OTULIN: variants seen among roughly 807,000 people sequenced by gnomAD.
OTULIN encodes the protein OTU deubiquitinase with linear linkage specificity, also known as ubiquitin thioesterase otulin.
Under a neutral mutation model 39.6 loss-of-function variants are expected in OTULIN, and 15 were observed. The ratio of observed to expected loss-of-function variants is 0.38; its 90% confidence interval spans 0.25 to 0.58. The LOEUF is 0.58. Among genes scored for constraint, OTULIN ranks in the 20% least tolerant of loss-of-function variants. The pLI, the probability that OTULIN is intolerant of heterozygous loss-of-function variation, is 0.66. For missense variants in OTULIN, 319 were observed against 445.9 expected (o/e 0.72, Z 2.56); for synonymous variants, 156 against 170.3 (o/e 0.92, Z 0.65).
chr5:14,683,277 C>G (rs1657906429), intron 4 of OTULIN, among the ~76,000 whole-genome samples: 1 of 151,984 alleles, frequency 6.6e-6, no homozygotes, highest in South Asian at 2.1e-4. Context: ...AAACCAAAAC[C>G]AACATCTGGG....
chr5:14,669,261 C>T (rs932690386), intron 1 of OTULIN, among the ~76,000 whole-genome samples: 5 of 151,936 alleles, frequency 3.3e-5, no homozygotes, highest in Non-Finnish European at 5.9e-5. Flanking sequence ...GTTACTCAGG[C>T]GTCTGAGGCA....
In OTULIN at chr5:14,664,841, A is replaced by G. The variant is rs900683731; in HGVS notation, c.16A>G (p.Met6Val). 1.2e-5 allele frequency: 14 copies of G among 1,216,468 alleles called. No individual in the cohort carries two copies. The highest frequency in any genetic ancestry group is 3.2e-4 in the Middle Eastern group (1 of 3,144). The allele number at this position is 1,216,468 out of a possible 1,614,324, so 75.4% of individuals were successfully genotyped here. Residue 6 changes from methionine to valine, a missense_variant, in exon 1 of 7, where the codon ATG becomes GTG. Physicochemically the swap from Met to Val is conservative, Grantham distance 21. Coordinates refer to ENST00000284274, the MANE Select transcript of OTULIN (RefSeq NM_138348.6). MSRGT[M>V]PQPEAWPGAS... is the part of the protein sequence containing the mutation. ...GAGCGACCGCATGAGTCGGGGGACT[A>G]TGCCCCAGCCCGAAGCGTGGCCAGG...
At chr5:14,707,223 A>G in the OTULIN span, 4 of 152,180 alleles carry the variant, frequency 2.6e-5, no homozygotes, top group African/African-American at 9.6e-5. Context: ...TTCTCAAGGA[A>G]ATGTAATTAC....
the OTULIN span, among the ~76,000 whole-genome samples, chr5:14,715,092 TC>T: frequency 3.3e-5 from 5 of 152,382 alleles, no homozygotes; most frequent in South Asian, 1.0e-3. Context: ...CAAGGGCCGT[TC>T]CATCAGCCCT....
At chr5:14,677,805 G>A (rs1560995056) in intron 2 of OTULIN, among the ~76,000 whole-genome samples, 1 of 152,172 alleles carries the variant, frequency 6.6e-6, no homozygotes, top group African/African-American at 2.4e-5. Context: ...ATAATTAAAT[G>A]TAATTTTTGT....
At chr5:14,670,687 C>G (rs1447416717) in intron 1 of OTULIN, among the ~76,000 whole-genome samples, 1 of 152,156 alleles carries the variant, frequency 6.6e-6, no homozygotes, top group African/African-American at 2.4e-5. Flanking sequence ...TCACTGCAGC[C>G]TCCAACTCCT....
At position 14,695,904 on chromosome 5, in the gene OTULIN, C is replaced by T. The variant is rs909985697; in HGVS notation, c.*2856C>T. On this transcript the variant is annotated 3_prime_UTR_variant, in exon 7 of 7. Transcript: ENST00000284274. ...GATGAATCCTTTTTTCTTTATTTAG[C>T]GATTTACACTTTTGTTACTCTATTA... The T allele has an allele frequency of 1.3e-4, 19 of 151,932 alleles. No homozygotes were observed. Among genetic ancestry groups the T allele is most frequent in the Non-Finnish European group, 5.9e-5 (4 of 67,992 alleles). The allele number at this position is 151,932 out of a possible 1,614,324, so 9.4% of individuals were successfully genotyped here.
intron 2 of OTULIN, among the ~76,000 whole-genome samples, chr5:14,674,635 G>A (rs1426615500): frequency 6.6e-6 from 1 of 152,092 alleles, no homozygotes; most frequent in Non-Finnish European, 1.5e-5. Flanking sequence ...TACGTTTGTG[G>A]TGCCAGCTAC....
intron 4 of OTULIN, among the ~76,000 whole-genome samples, chr5:14,682,136 T>G (rs1264942586): frequency 6.6e-6 from 1 of 152,216 alleles, no homozygotes; most frequent in Non-Finnish European, 1.5e-5. Context: ...GCGTTTTAAA[T>G]GTACCACATG....
intron 1 of OTULIN, among the ~76,000 whole-genome samples, chr5:14,666,583 TC>T (rs1735851845): frequency 6.6e-6 from 1 of 152,304 alleles, no homozygotes; most frequent in Admixed American, 6.5e-5. Context: ...TCACTTTTTT[TC>T]CCCCCTTGGT....
intron 1 of OTULIN, among the ~76,000 whole-genome samples, chr5:14,668,258 A>G (rs1477301950): frequency 6.6e-6 from 1 of 152,170 alleles, no homozygotes; most frequent in East Asian, 1.9e-4. Context: ...CTTTCTCCCA[A>G]CCTCATGAAG....
chr5:14,671,733 G>A (rs1735983048), intron 1 of OTULIN, among the ~76,000 whole-genome samples: 3 of 151,920 alleles, frequency 2.0e-5, no homozygotes, highest in Admixed American at 6.6e-5. Context: ...CCCTCACAAC[G>A]TTAAAATACA....
rs1173586142 is a variant in OTULIN at position 14,690,170 on chromosome 5, AC to A, written c.727del (p.Leu243TyrfsTer31). On this transcript the variant is annotated frameshift_variant, in exon 6 of 7. Coordinates refer to ENST00000284274, the MANE Select transcript of OTULIN (RefSeq NM_138348.6). LOFTEE classifies it high-confidence loss of function. The surrounding 1 kb of genome is among the most constrained non-coding windows in gnomAD (Gnocchi z 4.5). ...KFLMLNRAIE[L>X]YNDKEKGKEV... is the part of the protein sequence containing the mutation. ...TTCTAATGCTAAACAGAGCCATTGA[AC>A]TATATAATGATAAAGAGAAAGGAAA... 6.2e-7 allele frequency: 1 copy of A among 1,614,180 alleles called. No individual in the cohort carries two copies. Among genetic ancestry groups the A allele is most frequent in the East Asian group, 2.2e-5 (1 of 44,886 alleles).
chr5:14,666,172 C>G (rs1384958161), intron 1 of OTULIN, among the ~76,000 whole-genome samples: 1 of 152,178 alleles, frequency 6.6e-6, no homozygotes, highest in Non-Finnish European at 1.5e-5. Context: ...GCATGCACCT[C>G]GGCCCCAGCT....
In OTULIN at chr5:14,685,768, C is replaced by T. The variant is rs80262668; in HGVS notation, c.469-1753C>T. ...CCAGATGCTCAGCCGGTCTTCTGGGCTTCCCTTCACCTCATTTCCCAGCTC... is the reference window on the plus strand; with the variant it reads ...CCAGATGCTCAGCCGGTCTTCTGGGTTTCCCTTCACCTCATTTCCCAGCTC... On this transcript the variant is annotated intron_variant, in intron 4 of 6. Coordinates refer to ENST00000284274, the MANE Select transcript of OTULIN (RefSeq NM_138348.6). Among the ~76,000 whole-genome samples, 6 of 148,946 alleles carry T rather than the reference C, an allele frequency of 4.0e-5. No homozygotes were observed. The East Asian group carries it at 9.8e-4, about 24-fold the overall frequency.
intron 1 of OTULIN, among the ~76,000 whole-genome samples, chr5:14,671,988 C>G (rs750050690): frequency 1.2e-4 from 19 of 152,106 alleles, no homozygotes; most frequent in Non-Finnish European, 1.9e-4. Context: ...CATAGTTATA[C>G]ATACAGCTAA....
At chr5:14,681,400 G>T (rs1736245962) in intron 3 of OTULIN, 64 bp from the exon 4 acceptor site, 1 of 1,528,226 alleles carries the variant, frequency 6.5e-7, no homozygotes, top group South Asian at 1.3e-5. Flanking sequence ...CCACAGGAAT[G>T]AAACTTTCTC....
At position 14,664,760 on chromosome 5, in the gene OTULIN, C is replaced by T. The variant is rs547635670; in HGVS notation, c.-66C>T. 5.2e-5 allele frequency: 58 copies of T among 1,105,060 alleles called. No individual in the cohort carries two copies. The South Asian group carries it at 2.3e-3, about 44-fold the overall frequency. The allele number at this position is 1,105,060 out of a possible 1,614,324, so 68.5% of individuals were successfully genotyped here. Reference sequence around the variant, plus strand: ...CTGAGAGGCTGCGGCCACTGCCTGGCACCCCGACGGGAGGGGCTCCGGATC... The same window carrying T: ...CTGAGAGGCTGCGGCCACTGCCTGGTACCCCGACGGGAGGGGCTCCGGATC... On this transcript the variant is annotated 5_prime_UTR_variant, in exon 1 of 7. Coordinates refer to ENST00000284274, the MANE Select transcript of OTULIN (RefSeq NM_138348.6).
Position 14,664,938 on chromosome 5 carries a change from G to A in OTULIN, c.113G>A (p.Ser38Asn). Residue 38 changes from serine to asparagine, a missense_variant, in exon 1 of 7, where the codon AGC becomes AAC. Ser to Asn is a conservative substitution (Grantham distance 46, BLOSUM62 1). Transcript: ENST00000284274. ...CGGGACGGCGGGAAGGCGGCGGCCA[G>A]CGGGCAGCCGCGGCCCGAGATGCAG... ...TARDGGKAAA[S>N]GQPRPEMQCP... 8.8e-7 allele frequency: 1 copy of A among 1,130,992 alleles called. No individual in the cohort carries two copies. Among genetic ancestry groups the A allele is most frequent in the Non-Finnish European group, 1.1e-6 (1 of 924,166 alleles). 70.1% of individuals were successfully genotyped at this position (1,130,992 alleles called of 1,614,324 possible).
Sources: gnomAD v4.1 joint callset for allele counts (sites outside exome capture counted in the v4.1 genomes callset) on GRCh38, gnomAD v4.1.1 for gene constraint, Gnocchi (gnomAD v3.1) non-coding constraint, MANE v1.5 for transcripts, NCBI Gene and HGNC (gene_info 2026-07-23, HGNC 2026-07-21) for gene names.